The following CCDC33 variants were observed in gnomAD, a reference collection of about 807,000 sequenced individuals.
CCDC33 encodes the protein coiled-coil domain containing 33, also known as coiled-coil domain-containing protein 33.
A neutral mutation model predicts 91.9 loss-of-function variants in CCDC33; 94 were observed. The observed-to-expected ratio is 1.02, with a 90% CI of 0.87 to 1.21. The LOEUF is 1.21. Among genes scored for constraint, CCDC33 ranks in the 50% most tolerant of loss-of-function variants. The pLI, the probability that CCDC33 is intolerant of heterozygous loss-of-function variation, is 0.00. For synonymous variants in CCDC33, 396 were observed against 374.5 expected, an observed-to-expected ratio of 1.06 and a Z score of -0.66; for missense variants, 940 against 935.5, an observed-to-expected ratio of 1.00 and a Z score of -0.06.
intron 2 of CCDC33, among the ~76,000 whole-genome samples, chr15:74,253,529 G>A (rs1440008735): frequency 4.6e-5 from 7 of 152,030 alleles, no homozygotes; most frequent in African/African-American, 7.2e-5. Flanking sequence ...TGATCTCCTC[G>A]TTCCCCCCCT....
chr15:74,331,768 G>T (rs988429100), intron 15 of CCDC33, among the ~76,000 whole-genome samples: 2 of 152,224 alleles, frequency 1.3e-5, no homozygotes, highest in African/African-American at 4.8e-5. Context: ...AATGGTTCAT[G>T]CCTGTAATCC....
chr15:74,214,724 C>T (rs2074397112), upstream of CCDC33, among the ~76,000 whole-genome samples: 1 of 152,200 alleles, frequency 6.6e-6, no homozygotes, highest in African/African-American at 2.4e-5. Flanking sequence ...CCTCCCTCCT[C>T]ACCACCTGCT....
rs2059343510 is a variant in CCDC33 at position 74,280,708 on chromosome 15, C to T, written c.930C>T (p.Gly310=). 2 of 1,556,260 alleles carry T rather than the reference C, an allele frequency of 1.3e-6. No individual in the cohort carries two copies. The highest frequency in any genetic ancestry group is 1.7e-6 in the Non-Finnish European group (2 of 1,150,304). ...SQPWTLNQPL[G]ISVLPLKSRL... ...CGTGGACCCTCAACCAGCCCCTGGG[C>T]ATCTCTGTGTTGCCGCTAAAGAGCC... Residue 310 remains glycine (G), a synonymous_variant, in exon 9 of 19, where the codon GGC becomes GGT. Coordinates refer to ENST00000398814, the MANE Select transcript of CCDC33 (RefSeq NM_025055.5).
At chr15:74,262,187 C>T (rs2076041712) in intron 2 of CCDC33, among the ~76,000 whole-genome samples, 1 of 152,164 alleles carries the variant, frequency 6.6e-6, no homozygotes, top group Non-Finnish European at 1.5e-5. Context: ...CTACCCCTGC[C>T]CTGAGCCTCT....
intron 11 of CCDC33, among the ~76,000 whole-genome samples, chr15:74,322,222 T>C (rs2060221463): frequency 6.6e-6 from 1 of 152,198 alleles, no homozygotes; most frequent in African/African-American, 2.4e-5. Flanking sequence ...TCTTTTATTA[T>C]CACATCTCAT....
chr15:74,283,257 C>T (rs1351870092), intron 10 of CCDC33, among the ~76,000 whole-genome samples: 1 of 152,234 alleles, frequency 6.6e-6, no homozygotes. Context: ...GGAGCCCAAC[C>T]CTCCGGGGCC....
chr15:74,204,966 C>G (rs764277912), intron 1 of CCDC33, among the ~76,000 whole-genome samples: 2 of 151,592 alleles, frequency 1.3e-5, no homozygotes, highest in Non-Finnish European at 2.9e-5. Context: ...GAAAAGAAAC[C>G]ATCCTCTTCC....
Position 74,211,634 on chromosome 15 carries a change from C to G in CCDC33, n.237-512C>G, listed in dbSNP as rs150571832. On this transcript the variant is annotated intron_variant and non_coding_transcript_variant, in intron 2 of 3. Transcript: ENST00000558645. ...GGTCAGGCTGGTCTCGAACTCCTAA[C>G]CTCAGGTGATCTGCCCACCTCGGCC... Among the ~76,000 whole-genome samples the G allele has an allele frequency of 7.6e-4, 116 of 152,162 alleles. 1 individual carries two copies. The East Asian group carries it at 0.012, about 16-fold the overall frequency.
chr15:74,214,629 A>C (rs2074395731), upstream of CCDC33, among the ~76,000 whole-genome samples: 1 of 152,172 alleles, frequency 6.6e-6, no homozygotes, highest in Non-Finnish European at 1.5e-5. Context: ...CCAGATTTCT[A>C]CATAGAACTG....
chr15:74,204,213 T>C (rs2074200630), intron 1 of CCDC33, among the ~76,000 whole-genome samples: 1 of 152,200 alleles, frequency 6.6e-6, no homozygotes, highest in African/African-American at 2.4e-5. Context: ...ATCCCAGGGA[T>C]GCGGGAAACT....
intron 10 of CCDC33, among the ~76,000 whole-genome samples, chr15:74,284,312 G>A (rs981810835): frequency 1.3e-5 from 2 of 152,202 alleles, no homozygotes; most frequent in African/African-American, 2.4e-5. Flanking sequence ...TTTGATTTGA[G>A]CTCACACCTT....
In CCDC33 at chr15:74,332,836, G is replaced by A; in HGVS notation, c.1929G>A (p.Gln643=). The change falls in exon 16 of 19, where the codon CAG becomes CAA. Residue 643 remains glutamine, a synonymous_variant. Transcript: ENST00000398814. ...HQQAPIILQQ[Q]ALPDLLSGTS... The stretch of plus-strand genomic sequence containing the variant: ...AGGCCCCCATCATTCTGCAGCAACA[G>A]GCCCTGCCGGTAAGAGGCCCTTGAC... The A allele has an allele frequency of 1.9e-6, 3 of 1,613,906 alleles. No homozygotes were observed. Among genetic ancestry groups the A allele is most frequent in the Non-Finnish European group, 2.5e-6 (3 of 1,179,880 alleles).
At chr15:74,295,499 G>A (rs142333475) in intron 10 of CCDC33, among the ~76,000 whole-genome samples, 2 of 152,274 alleles carry the variant, frequency 1.3e-5, no homozygotes, top group South Asian at 2.1e-4. Context: ...GGATCCCTGA[G>A]GACCTCCAGG....
intron 1 of CCDC33, 138 bp downstream of exon 1, chr15:74,236,878 G>C: frequency 1.2e-6 from 1 of 813,466 alleles, no homozygotes; most frequent in Non-Finnish European, 2.0e-6. Flanking sequence ...CTGTGAAATG[G>C]GGAGTGAGGT....
At chr15:74,311,237 G>A (rs1319230719) in intron 11 of CCDC33, among the ~76,000 whole-genome samples, 1 of 152,148 alleles carries the variant, frequency 6.6e-6, no homozygotes, top group Non-Finnish European at 1.5e-5. Flanking sequence ...GTCCAGACAG[G>A]GCTCCTTCCC....
At chr15:74,325,734 T>C (rs1409165956) in intron 11 of CCDC33, among the ~76,000 whole-genome samples, 2 of 152,090 alleles carry the variant, frequency 1.3e-5, no homozygotes, top group Non-Finnish European at 2.9e-5. Flanking sequence ...TAGCCACAGG[T>C]GTCATTGGAT....
At chr15:74,318,357 C>T (rs1035870645) in intron 11 of CCDC33, among the ~76,000 whole-genome samples, 3 of 152,052 alleles carry the variant, frequency 2.0e-5, no homozygotes, top group African/African-American at 7.2e-5. Flanking sequence ...CCCTGAAGGG[C>T]CCCACAGCCC....
At chr15:74,250,939 A>C (rs1276144412) in intron 2 of CCDC33, among the ~76,000 whole-genome samples, 1 of 152,186 alleles carries the variant, frequency 6.6e-6, no homozygotes, top group East Asian at 1.9e-4. Flanking sequence ...GGGAGTCCTG[A>C]GCAGGCTCAC....
Position 74,273,042 on chromosome 15 carries a change from G to A in CCDC33, c.759+151G>A, listed in dbSNP as rs190700260. Reference sequence around the variant, plus strand: ...TACCCAGTGCTGTGCTCGCCTGTGCGGCAGAGAAACTGCCCTCCAGGAACT... The same window carrying A: ...TACCCAGTGCTGTGCTCGCCTGTGCAGCAGAGAAACTGCCCTCCAGGAACT... On this transcript the variant is annotated intron_variant, in intron 7 of 18. Coordinates refer to ENST00000398814, the MANE Select transcript of CCDC33 (RefSeq NM_025055.5). 112 of 1,130,714 alleles carry A rather than the reference G, an allele frequency of 9.9e-5. No homozygotes were observed. The East Asian group carries it at 1.1e-3, about 12-fold the overall frequency. 70.0% of individuals were successfully genotyped at this position (1,130,714 alleles called of 1,614,324 possible).
Sources: gnomAD v4.1 joint callset for allele counts (sites outside exome capture counted in the v4.1 genomes callset) on GRCh38, gnomAD v4.1.1 for gene constraint, MANE v1.5 for transcripts, NCBI Gene and HGNC (gene_info 2026-07-23, HGNC 2026-07-21) for gene names.